The following COL4A6 variants were observed in gnomAD, a reference collection of about 807,000 sequenced individuals.
COL4A6 encodes the protein collagen alpha-6(IV) chain.
COL4A6 carries 59 observed loss-of-function variants against 126.7 expected under a neutral mutation model. That is an observed-to-expected ratio of 0.47 (90% confidence interval 0.38 to 0.58). The LOEUF is 0.58. Ranked by LOEUF, COL4A6 falls within the 20% of genes least tolerant of loss-of-function variation. COL4A6 has a pLI of 0.00. For synonymous variants in COL4A6, 547 were observed against 496.6 expected, an observed-to-expected ratio of 1.10 and a Z score of -1.35; for missense variants, 1,285 against 1,337.3, an observed-to-expected ratio of 0.96 and a Z score of 0.61.
intron 23 of COL4A6, among the ~76,000 whole-genome samples, chrX:108,186,702 C>A (rs911043467): frequency 3.6e-5 from 4 of 111,268 alleles, no homozygotes; most frequent in African/African-American, 1.3e-4. Flanking sequence ...TTTTTCCCAG[C>A]TGATGATATT....
At chrX:108,207,444 A>G (rs186475236) in intron 8 of COL4A6, among the ~76,000 whole-genome samples, 1 of 111,392 alleles carries the variant, frequency 9.0e-6, no homozygotes, top group Non-Finnish European at 1.9e-5. Flanking sequence ...TTGTTTACCT[A>G]TGTAACAAAC....
chrX:108,416,855 AACTGGTAAACAAAGATG>A (rs1311568318), intron 2 of COL4A6, among the ~76,000 whole-genome samples: 2 of 111,908 alleles, frequency 1.8e-5, no homozygotes, highest in African/African-American at 6.5e-5. Context: ...TCTCCCTATT[AACTGGTAAACAAAGATG>A]ACTGTACTTT....
chrX:108,209,481 C>A (rs931709735), intron 8 of COL4A6, among the ~76,000 whole-genome samples: 3 of 108,851 alleles, frequency 2.8e-5, no homozygotes, highest in Admixed American at 1.9e-4. Context: ...TAAGCTGTTT[C>A]AAAAAAAAAG....
intron 8 of COL4A6, among the ~76,000 whole-genome samples, chrX:108,207,534 GGATA>G (rs1226298297): frequency 2.7e-5 from 3 of 111,514 alleles, no homozygotes; most frequent in Non-Finnish European, 5.7e-5. Context: ...AGAGAGGGAT[GGATA>G]GATAGATAGA....
intron 2 of COL4A6, among the ~76,000 whole-genome samples, chrX:108,379,536 C>T (rs2040520154): frequency 9.6e-6 from 1 of 103,942 alleles, no homozygotes. Context: ...CCTTTGCCTG[C>T]CAAAGTGCTG....
At chrX:108,415,240 A>G (rs1300773791) in intron 2 of COL4A6, among the ~76,000 whole-genome samples, 1 of 111,706 alleles carries the variant, frequency 9.0e-6, no homozygotes, top group Non-Finnish European at 1.9e-5. Flanking sequence ...GGCAACTCAA[A>G]TTTCACTTCC....
At chrX:108,432,303 T>C (rs893866496) in intron 2 of COL4A6, among the ~76,000 whole-genome samples, 11 of 112,744 alleles carry the variant, frequency 9.8e-5, no homozygotes, top group African/African-American at 3.2e-4. Context: ...ATGTATGTTA[T>C]TATTGTCTAT....
At chrX:108,262,613 T>G (rs974521360) in intron 3 of COL4A6, among the ~76,000 whole-genome samples, 1 of 111,722 alleles carries the variant, frequency 9.0e-6, no homozygotes, top group South Asian at 3.8e-4. Context: ...TGACCATCCA[T>G]GCAAGGCTGA....
At chrX:108,249,962 G>C (rs1359777413) in intron 3 of COL4A6, among the ~76,000 whole-genome samples, 4 of 111,576 alleles carry the variant, frequency 3.6e-5, no homozygotes, top group African/African-American at 1.3e-4. Context: ...TGAGGGACAC[G>C]GAGCTTGAAA....
intron 3 of COL4A6, among the ~76,000 whole-genome samples, chrX:108,289,332 G>A (rs978597785): frequency 4.7e-5 from 5 of 107,327 alleles, no homozygotes; most frequent in African/African-American, 1.4e-4. Flanking sequence ...AAGTATTTAG[G>A]GGTGAAAATT....
chrX:108,161,118 A>G (rs757592399), intron 42 of COL4A6, among the ~76,000 whole-genome samples: 2 of 112,159 alleles, frequency 1.8e-5, no homozygotes, highest in Admixed American at 9.4e-5. Context: ...CATGACAGAC[A>G]TGACAAATCA....
In COL4A6 at chrX:108,408,948, C is replaced by T. The variant is rs762300235; in HGVS notation, c.63+28994G>A. ...TGCACTCCAGCCTGGACAACAAGAG[C>T]GACACTCTGTCTCAAAAAAATAAAT... On this transcript the variant is annotated intron_variant, in intron 2 of 44. Transcript: ENST00000334504. Among the ~76,000 whole-genome samples the T allele has an allele frequency of 3.5e-3, 390 of 111,760 alleles. 2 individuals carry two copies. The highest frequency in any genetic ancestry group is 7.6e-3 in the South Asian group (20 of 2,645).
At chrX:108,299,972 ACT>A (rs1385296684) in intron 3 of COL4A6, among the ~76,000 whole-genome samples, 2 of 111,861 alleles carry the variant, frequency 1.8e-5, no homozygotes, top group Non-Finnish European at 3.8e-5. Flanking sequence ...TCTGCCTTAT[ACT>A]TATAACCCCC....
chrX:108,340,838 TGG>T (rs11347372), intron 2 of COL4A6, among the ~76,000 whole-genome samples: 7 of 63,098 alleles, frequency 1.1e-4, no homozygotes, highest in South Asian at 1.0e-3. Context: ...ACTAGTGGGG[TGG>T]GGGGGGGGAA....
At chrX:108,379,340 C>T (rs1460993642) in intron 2 of COL4A6, among the ~76,000 whole-genome samples, 1 of 110,073 alleles carries the variant, frequency 9.1e-6, no homozygotes, top group Non-Finnish European at 1.9e-5. Flanking sequence ...GCCGCAACCT[C>T]CTGGGATCAA....
intron 2 of COL4A6, among the ~76,000 whole-genome samples, chrX:108,328,751 A>C (rs188626725): frequency 2.8e-3 from 317 of 112,486 alleles, no homozygotes; most frequent in Non-Finnish European, 4.7e-3. Context: ...GATGTTGAAG[A>C]GATATCTGTG....
intron 2 of COL4A6, among the ~76,000 whole-genome samples, chrX:108,406,516 G>A (rs776836157): frequency 1.8e-5 from 2 of 109,162 alleles, no homozygotes; most frequent in South Asian, 7.5e-4. Context: ...TTCTAGGCTT[G>A]TTTTTCATCA....
chrX:108,435,590 G>A (rs181865747), intron 2 of COL4A6, among the ~76,000 whole-genome samples: 1 of 111,943 alleles, frequency 8.9e-6, no homozygotes, highest in African/African-American at 3.2e-5. Context: ...ATTTTATGCA[G>A]ATAAATTGTG....
At chrX:108,327,030 G>T (rs768060830) in intron 2 of COL4A6, among the ~76,000 whole-genome samples, 6 of 110,743 alleles carry the variant, frequency 5.4e-5, no homozygotes, top group Non-Finnish European at 1.1e-4. Flanking sequence ...GAAAATATTC[G>T]CATATCACAT....
Sources: allele counts gnomAD v4.1 joint callset (sites outside exome capture counted in the v4.1 genomes callset), GRCh38; gene constraint gnomAD v4.1.1; transcripts MANE v1.5; gene names NCBI Gene and HGNC (gene_info 2026-07-23, HGNC 2026-07-21).